The following CELF4 variants were observed in gnomAD, a reference collection of about 807,000 sequenced individuals.
CELF4 encodes the protein CUGBP Elav-like family member 4.
Under a neutral mutation model 59.9 loss-of-function variants are expected in CELF4, and 18 were observed. The ratio of observed to expected loss-of-function variants is 0.30; its 90% confidence interval spans 0.21 to 0.45. CELF4 has a LOEUF of 0.45. Ranked by LOEUF, CELF4 falls within the 20% of genes least tolerant of loss-of-function variation. CELF4 has a pLI of 1.00. For synonymous variants in CELF4, 261 were observed against 267.1 expected (o/e 0.98, Z 0.22); for missense variants, 456 against 689.0 (o/e 0.66, Z 3.79).
chr18:37,252,222 C>T (rs1427413878), intron 12 of CELF4, among the ~76,000 whole-genome samples: 2 of 152,182 alleles, frequency 1.3e-5, no homozygotes, highest in Non-Finnish European at 2.9e-5. Context: ...CCCAATCCCT[C>T]TGTTCTTCCA....
At chr18:37,447,620 G>A (rs1254945422) in intron 2 of CELF4, among the ~76,000 whole-genome samples, 1 of 152,224 alleles carries the variant, frequency 6.6e-6, no homozygotes, top group Admixed American at 6.5e-5. Context: ...CTTGGCTGCT[G>A]GAGGGCTCAG....
chr18:37,484,034 C>T (rs1308688065), intron 2 of CELF4, among the ~76,000 whole-genome samples: 1 of 152,140 alleles, frequency 6.6e-6, no homozygotes, highest in African/African-American at 2.4e-5. Context: ...ACCTCCCCCT[C>T]TCACCTTCTC....
At chr18:37,279,180 C>T (rs1291265050) in intron 3 of CELF4, among the ~76,000 whole-genome samples, 1 of 152,178 alleles carries the variant, frequency 6.6e-6, no homozygotes, top group Non-Finnish European at 1.5e-5. Flanking sequence ...GAGCCTGTTG[C>T]TTCCCATAGT....
intron 1 of CELF4, among the ~76,000 whole-genome samples, chr18:37,545,988 G>A (rs907024664): frequency 1.8e-4 from 27 of 152,106 alleles, no homozygotes; most frequent in African/African-American, 6.0e-4. Context: ...ACAACCACAC[G>A]TGTGTGGAGC....
chr18:37,342,983 C>T lies in CELF4; in HGVS notation c.370-21102G>A, dbSNP rs1040942267. On this transcript the variant is annotated intron_variant, in intron 2 of 12. Transcript: ENST00000420428. ...TGGGAGTTGCCCACTGAGCCATTCC[C>T]GTCCTTACACTGAAGGAGGAGATCC... Among the ~76,000 whole-genome samples, 10 of 152,132 alleles carry T rather than the reference C, an allele frequency of 6.6e-5. No homozygotes were observed. In the East Asian group the frequency reaches 7.8e-4, roughly 12 times the overall value.
At chr18:37,451,797 C>T (rs2099764872) in intron 2 of CELF4, among the ~76,000 whole-genome samples, 1 of 152,212 alleles carries the variant, frequency 6.6e-6, no homozygotes, top group African/African-American at 2.4e-5. Context: ...CCTCACATCA[C>T]CCACTCCATC....
At chr18:37,344,227 G>A (rs902369478) in intron 2 of CELF4, among the ~76,000 whole-genome samples, 1 of 152,228 alleles carries the variant, frequency 6.6e-6, no homozygotes, top group Non-Finnish European at 1.5e-5. Flanking sequence ...GATCATTGAG[G>A]AGCACATTTC....
intron 2 of CELF4, among the ~76,000 whole-genome samples, chr18:37,395,359 C>T (rs895151006): frequency 1.3e-5 from 2 of 152,130 alleles, no homozygotes; most frequent in Non-Finnish European, 2.9e-5. Context: ...TGTTAAAGGC[C>T]AGACACGTTC....
chr18:37,417,369 A>C (rs1342186286), intron 2 of CELF4, among the ~76,000 whole-genome samples: 5 of 152,176 alleles, frequency 3.3e-5, no homozygotes, highest in African/African-American at 1.2e-4. Flanking sequence ...GAGACAGAGC[A>C]CTGGGCTTCC....
chr18:37,466,072 G>A (rs1017858370), intron 2 of CELF4, among the ~76,000 whole-genome samples: 2 of 152,202 alleles, frequency 1.3e-5, no homozygotes, highest in African/African-American at 2.4e-5. Context: ...CCCTTTCTAG[G>A]CCAGCTGGGA....
At chr18:37,327,039 C>T (rs754710115) in intron 2 of CELF4, among the ~76,000 whole-genome samples, 3 of 152,176 alleles carry the variant, frequency 2.0e-5, no homozygotes, top group East Asian at 1.9e-4. Flanking sequence ...AGAATAAATA[C>T]GATGATTGAG....
At chr18:37,440,090 C>G (rs896629898) in intron 2 of CELF4, among the ~76,000 whole-genome samples, 11 of 151,290 alleles carry the variant, frequency 7.3e-5, no homozygotes, top group African/African-American at 2.5e-4. Context: ...CCATGTGACT[C>G]TGTCTGGTTA....
intron 11 of CELF4, among the ~76,000 whole-genome samples, chr18:37,257,408 C>T (rs1428070345): frequency 6.6e-6 from 1 of 152,192 alleles, no homozygotes; most frequent in African/African-American, 2.4e-5. Flanking sequence ...GAGTGGAGGA[C>T]TGCAACCCTG....
intron 3 of CELF4, among the ~76,000 whole-genome samples, chr18:37,289,940 C>T (rs112044949): frequency 0.028 from 4,282 of 152,280 alleles, 195 homozygotes; most frequent in African/African-American, 0.099. Context: ...GCTCTGGTCA[C>T]CTCCACATGA....
intron 2 of CELF4, among the ~76,000 whole-genome samples, chr18:37,377,125 A>G (rs2098979942): frequency 6.6e-6 from 1 of 152,066 alleles, no homozygotes; most frequent in African/African-American, 2.4e-5. Flanking sequence ...GAGAGAGAGA[A>G]AAAGGAGATG....
intron 2 of CELF4, among the ~76,000 whole-genome samples, chr18:37,430,405 C>A (rs1402724798): frequency 6.6e-6 from 1 of 152,218 alleles, no homozygotes; most frequent in African/African-American, 2.4e-5. Flanking sequence ...GTCTGTGCCT[C>A]ATATAAATGC....
intron 2 of CELF4, among the ~76,000 whole-genome samples, chr18:37,408,496 G>T (rs5824057): frequency 2.8e-4 from 5 of 18,040 alleles, no homozygotes; most frequent in Non-Finnish European, 3.6e-4. Flanking sequence ...TGGTGCCGGG[G>T]GGGGGCGCGG....
chr18:37,466,858 C>T (rs2099810371), intron 2 of CELF4, among the ~76,000 whole-genome samples: 1 of 152,132 alleles, frequency 6.6e-6, no homozygotes, highest in Non-Finnish European at 1.5e-5. Flanking sequence ...GAATGCTGGC[C>T]AAGGACTGAC....
intron 1 of CELF4, among the ~76,000 whole-genome samples, chr18:37,499,068 G>A (rs1245251538): frequency 6.6e-6 from 1 of 152,232 alleles, no homozygotes; most frequent in African/African-American, 2.4e-5. Context: ...TGTAGGACCT[G>A]TGTGTGTTCT....
Sources: allele counts gnomAD v4.1 joint callset (sites outside exome capture counted in the v4.1 genomes callset), GRCh38; gene constraint gnomAD v4.1.1; transcripts MANE v1.5; gene names NCBI Gene and HGNC (gene_info 2026-07-23, HGNC 2026-07-21).